The following NKD1 variants were observed in gnomAD, a reference collection of about 807,000 sequenced individuals.
The protein encoded by NKD1 is NKD inhibitor of Wnt signaling pathway 1.
In NKD1, 21 loss-of-function variants were observed where a neutral mutation model predicts 56.0. The ratio of observed to expected loss-of-function variants is 0.38; its 90% CI spans 0.27 to 0.54. The LOEUF (loss-of-function observed/expected upper bound fraction) is 0.54. Ranked by LOEUF, NKD1 falls within the 20% of genes least tolerant of loss-of-function variation. NKD1 has a pLI of 0.82. For synonymous variants in NKD1, 263 were observed against 265.7 expected (o/e 0.99, Z 0.10); for missense variants, 578 against 642.7 (o/e 0.90, Z 1.09).
At chr16:50,568,850 C>T (rs918207140) in intron 3 of NKD1, among the ~76,000 whole-genome samples, 1 of 152,126 alleles carries the variant, frequency 6.6e-6, no homozygotes, top group Non-Finnish European at 1.5e-5. Context: ...TTCTCTCCCC[C>T]AATGTGGAAG....
At chr16:50,601,222 A>G (rs1348670792) in intron 3 of NKD1, among the ~76,000 whole-genome samples, 3 of 152,206 alleles carry the variant, frequency 2.0e-5, no homozygotes, top group Non-Finnish European at 4.4e-5. Context: ...CTGGCTCCCA[A>G]GCTTGCCTGG....
rs532960713 is a variant in NKD1, at chr16:50,647,534, G to A, written c.*13753G>A. Reference sequence around the variant, plus strand: ...GGTCCTGGGAAAGACAGGGAGGAGAGTGGGGAAGTGAGGCAGAAAAGGAAG... The same window carrying A: ...GGTCCTGGGAAAGACAGGGAGGAGAATGGGGAAGTGAGGCAGAAAAGGAAG... On this transcript the variant is annotated 3_prime_UTR_variant, in exon 10 of 10. Coordinates refer to ENST00000268459, the MANE Select transcript of NKD1 (RefSeq NM_033119.5). 3 of 152,342 alleles carry A rather than the reference G, an allele frequency of 2.0e-5. No homozygotes were observed. The South Asian group carries it at 6.2e-4, about 32-fold the overall frequency. The allele number at this position is 152,342 out of a possible 1,614,324, so 9.4% of individuals were successfully genotyped here.
chr16:50,588,007 G>A (rs1567341967), intron 3 of NKD1, among the ~76,000 whole-genome samples: 1 of 152,144 alleles, frequency 6.6e-6, no homozygotes, highest in Non-Finnish European at 1.5e-5. Context: ...CCATAAAACC[G>A]GTCCCTGGTG....
Position 50,636,895 on chromosome 16 carries a change from C to G in NKD1, c.*3114C>G, listed in dbSNP as rs796996318. On this transcript the variant is annotated 3_prime_UTR_variant, in exon 10 of 10. Transcript: ENST00000268459. The stretch of plus-strand genomic sequence containing the variant: ...AAGGGGGGGAACCCTGCAGTTACTG[C>G]TTAATCCTCTTCCCACCCCACCCTT... The G allele has an allele frequency of 3.9e-5, 6 of 152,306 alleles. No individual in the cohort carries two copies. Among genetic ancestry groups the G allele is most frequent in the African/African-American group, 1.4e-4 (6 of 41,570 alleles). The allele number at this position is 152,306 out of a possible 1,614,324, so 9.4% of individuals were successfully genotyped here. A position where few individuals can be genotyped will look rare whatever the true frequency, so the allele number is the denominator to read the frequency against.
At position 50,615,958 on chromosome 16, in the gene NKD1, T is replaced by C. The variant is rs189678394; in HGVS notation, c.260-5644T>C. On this transcript the variant is annotated intron_variant, in intron 4 of 9. Transcript: ENST00000268459. The stretch of plus-strand genomic sequence containing the variant: ...CATTTGGCCTGGAATGCACATATGA[T>C]ATCTTTCTCTTTTTACTGGCAGCAG... 4 of 435,130 alleles carry C rather than the reference T, an allele frequency of 9.2e-6. No individual in the cohort carries two copies. In the East Asian group the frequency reaches 2.9e-4, roughly 31 times the overall value. 27.0% of individuals were successfully genotyped at this position (435,130 alleles called of 1,614,324 possible).
Position 50,633,418 on chromosome 16 carries a change from G to A in NKD1, c.1050G>A (p.Lys350=). The A allele has an allele frequency of 6.2e-7, 1 of 1,613,300 alleles. No individual in the cohort carries two copies. The highest frequency in any genetic ancestry group is 8.5e-7 in the Non-Finnish European group (1 of 1,179,602). ...DGSKHFVRSP[K]AQGKSVGVGH... ...GCAAGCACTTTGTGAGGTCCCCCAA[G>A]GCCCAGGGCAAGAGTGTGGGTGTGG... Residue 350 remains lysine (K), a synonymous_variant, in exon 10 of 10, where the codon AAG becomes AAA. Transcript: ENST00000268459. This position sits in a 1 kb window ranked among gnomAD's most constrained non-coding sequence, Gnocchi z 4.9.
chr16:50,575,384 A>T, intron 3 of NKD1: 12 of 978,370 alleles, frequency 1.2e-5, no homozygotes, highest in Non-Finnish European at 1.5e-5. Flanking sequence ...CATCAGCGCG[A>T]GGGTAATTGT....
chr16:50,561,167 G>A (rs528280068), intron 3 of NKD1, among the ~76,000 whole-genome samples: 4 of 152,106 alleles, frequency 2.6e-5, no homozygotes, highest in South Asian at 2.1e-4. Context: ...ATGGAGGGGG[G>A]GCCCATGGCT....
intron 3 of NKD1, chr16:50,570,927 C>T (rs1441903812): frequency 1.0e-6 from 1 of 985,322 alleles, no homozygotes; most frequent in African/African-American, 1.7e-5. Context: ...CCATAGCAGC[C>T]CTGTGCCAGG....
chr16:50,622,160 C>T (rs1962107279), intron 5 of NKD1, among the ~76,000 whole-genome samples: 1 of 152,182 alleles, frequency 6.6e-6, no homozygotes, highest in African/African-American at 2.4e-5. Context: ...CTGAGTTTCC[C>T]CATGTGGGCA....
At chr16:50,555,153 G>A (rs1433740810) in intron 3 of NKD1, among the ~76,000 whole-genome samples, 1 of 152,120 alleles carries the variant, frequency 6.6e-6, no homozygotes, top group East Asian at 1.9e-4. Context: ...GGAGGTGGGG[G>A]GAAGAGCTGA....
At chr16:50,618,417 G>T (rs899853267) in intron 4 of NKD1, among the ~76,000 whole-genome samples, 2 of 152,190 alleles carry the variant, frequency 1.3e-5, no homozygotes, top group African/African-American at 4.8e-5. Flanking sequence ...GCACCAGTCC[G>T]CCTCTCCCGC....
intron 4 of NKD1, among the ~76,000 whole-genome samples, chr16:50,618,472 C>T (rs1596748245): frequency 2.0e-5 from 3 of 152,332 alleles, no homozygotes; most frequent in Middle Eastern, 6.8e-3. Context: ...GTGGTTTCTT[C>T]TGCACAGGGC....
At chr16:50,610,326 C>G (rs1432891102) in intron 4 of NKD1, among the ~76,000 whole-genome samples, 1 of 152,204 alleles carries the variant, frequency 6.6e-6, no homozygotes, top group Non-Finnish European at 1.5e-5. Context: ...GGCATCTGGA[C>G]CTGTCCGTGT....
chr16:50,644,101 C>T lies in NKD1; in HGVS notation c.*10320C>T, dbSNP rs1962632420. On this transcript the variant is annotated 3_prime_UTR_variant, in exon 10 of 10. Coordinates refer to ENST00000268459, the MANE Select transcript of NKD1 (RefSeq NM_033119.5). ...AGAACATGTTGTCGGGCCACTCAGA[C>T]TTTTCACTGCTCTGCGCATATCACG... 3 of 152,274 alleles carry T rather than the reference C, an allele frequency of 2.0e-5. No homozygotes were observed. The highest frequency in any genetic ancestry group is 7.2e-5 in the African/African-American group (3 of 41,480). The allele number at this position is 152,274 out of a possible 1,614,324, so 9.4% of individuals were successfully genotyped here.
At chr16:50,582,775 G>A (rs540459698) in intron 3 of NKD1, among the ~76,000 whole-genome samples, 36 of 152,360 alleles carry the variant, frequency 2.4e-4, no homozygotes, top group Non-Finnish European at 2.1e-4. Flanking sequence ...TTGGGAGGCC[G>A]AGGTGGGTGG....
At chr16:50,569,680 G>A (rs1960839521) in intron 3 of NKD1, among the ~76,000 whole-genome samples, 2 of 152,216 alleles carry the variant, frequency 1.3e-5, no homozygotes, top group African/African-American at 4.8e-5. Flanking sequence ...AGCCTGGTGT[G>A]CAGTAGGGTT....
intron 3 of NKD1, among the ~76,000 whole-genome samples, chr16:50,564,507 A>G (rs1038157171): frequency 1.3e-5 from 2 of 152,166 alleles, no homozygotes; most frequent in Non-Finnish European, 2.9e-5. Context: ...CAAAATTATT[A>G]TTATGGGGAA....
rs1388166058 is a variant in NKD1, at chr16:50,636,025, TG to T, written c.*2247del. 1 of 152,246 alleles carries T rather than the reference TG, an allele frequency of 6.6e-6. No individual in the cohort carries two copies. The highest frequency in any genetic ancestry group is 2.4e-5 in the African/African-American group (1 of 41,454). The allele number at this position is 152,246 out of a possible 1,614,324, so 9.4% of individuals were successfully genotyped here. On this transcript the variant is annotated 3_prime_UTR_variant, in exon 10 of 10. Transcript: ENST00000268459. ...CAGGGAACCCTGGCTGCTGGCCTTC[TG>T]GGTCCCCTAACCATAAGAAAAAGGA...
Sources: gnomAD v4.1 joint callset for allele counts (sites outside exome capture counted in the v4.1 genomes callset) on GRCh38, gnomAD v4.1.1 for gene constraint, Gnocchi (gnomAD v3.1) non-coding constraint, MANE v1.5 for transcripts, NCBI Gene and HGNC (gene_info 2026-07-23, HGNC 2026-07-21) for gene names.